Variants in CNTNAP2 observed in about 807,000 individuals in gnomAD.
The protein encoded by CNTNAP2 is contactin associated protein 2.
Under a neutral mutation model 155.2 loss-of-function variants are expected in CNTNAP2, and 98 were observed. That is an observed-to-expected ratio of 0.63 (90% CI 0.54 to 0.75). CNTNAP2 has a LOEUF of 0.75. Among genes scored for constraint, CNTNAP2 ranks in the 30% least tolerant of loss-of-function variants. CNTNAP2 has a pLI of 0.00. For synonymous variants in CNTNAP2, 651 were observed against 631.2 expected, an observed-to-expected ratio of 1.03 and a Z score of -0.47; for missense variants, 1,727 against 1,688.1, an observed-to-expected ratio of 1.02 and a Z score of -0.40.
Position 146,653,765 on chromosome 7 carries a change from G to T in CNTNAP2, c.98-120506G>T, listed in dbSNP as rs149021130. ...GTTAATTTATAGAAACATGGGTGGGGCATTGTAGATCATTTAGTCCTTAAA... is the reference window on the plus strand; with the variant it reads ...GTTAATTTATAGAAACATGGGTGGGTCATTGTAGATCATTTAGTCCTTAAA... On this transcript the variant is annotated intron_variant, in intron 1 of 23. Coordinates refer to ENST00000361727, the MANE Select transcript of CNTNAP2 (RefSeq NM_014141.6). Among the ~76,000 whole-genome samples the T allele has an allele frequency of 3.1e-3, 465 of 152,214 alleles. 1 individual carries two copies. Among genetic ancestry groups the T allele is most frequent in the African/African-American group, 0.011 (438 of 41,542 alleles).
intron 8 of CNTNAP2, among the ~76,000 whole-genome samples, chr7:147,189,281 CA>C (rs1383094494): frequency 3.3e-5 from 5 of 152,058 alleles, no homozygotes. Flanking sequence ...TACAGAAAAA[CA>C]TTAATATTAC....
chr7:146,533,591 A>G (rs1264522992), intron 1 of CNTNAP2, among the ~76,000 whole-genome samples: 1 of 152,174 alleles, frequency 6.6e-6, no homozygotes, highest in Non-Finnish European at 1.5e-5. Context: ...CTGGAACATG[A>G]TAAGATTTGT....
intron 3 of CNTNAP2, among the ~76,000 whole-genome samples, chr7:146,850,860 C>G (rs1010086809): frequency 6.6e-6 from 1 of 152,184 alleles, no homozygotes; most frequent in Admixed American, 6.5e-5. Context: ...AACTAACCAG[C>G]CTGTGTTCCT....
chr7:146,778,585 C>T (rs949935877), intron 2 of CNTNAP2, among the ~76,000 whole-genome samples: 2 of 152,130 alleles, frequency 1.3e-5, no homozygotes, highest in Non-Finnish European at 2.9e-5. Flanking sequence ...GAGTTAGTAG[C>T]ACTTAGATGT....
At chr7:146,889,767 A>G (rs1034715741) in intron 3 of CNTNAP2, among the ~76,000 whole-genome samples, 3 of 152,126 alleles carry the variant, frequency 2.0e-5, no homozygotes, top group Admixed American at 6.6e-5. Flanking sequence ...CCTTCCTATT[A>G]TATTATCATA....
intron 14 of CNTNAP2, among the ~76,000 whole-genome samples, chr7:147,963,530 A>T (rs1801149848): frequency 6.6e-6 from 1 of 152,164 alleles, no homozygotes; most frequent in South Asian, 2.1e-4. Flanking sequence ...ACATGTACAA[A>T]CAGAGGAATG....
At chr7:148,341,259 G>A (rs6958824) in intron 21 of CNTNAP2, among the ~76,000 whole-genome samples, 36,600 of 150,190 alleles carry the variant, frequency 0.24, 4,688 homozygotes, top group South Asian at 0.32. Context: ...GCATTTAATC[G>A]ATTCAGAGGA....
At chr7:147,251,961 T>TAATAAAAAAAAACAGCAAGGAGTAAGAA (rs1804208382) in intron 8 of CNTNAP2, among the ~76,000 whole-genome samples, 1 of 151,860 alleles carries the variant, frequency 6.6e-6, no homozygotes. Context: ...GTTTGGGGAT[T>TAATAAAAAAAAACAGCAAGGAGTAAGAA]AATAAAAAAA....
At chr7:147,813,300 T>C (rs765661054) in intron 13 of CNTNAP2, among the ~76,000 whole-genome samples, 9 of 152,152 alleles carry the variant, frequency 5.9e-5, no homozygotes, top group Middle Eastern at 3.2e-3. Flanking sequence ...TACCAGGAAG[T>C]TGATGCATTC....
chr7:147,292,784 T>G (rs1805342966), intron 8 of CNTNAP2, among the ~76,000 whole-genome samples: 1 of 151,322 alleles, frequency 6.6e-6, no homozygotes. Context: ...TGTTTGTTTA[T>G]TTGAGACAGG....
intron 3 of CNTNAP2, among the ~76,000 whole-genome samples, chr7:146,987,898 G>A (rs1798142109): frequency 6.6e-6 from 1 of 152,024 alleles, no homozygotes; most frequent in South Asian, 2.1e-4. Context: ...TTGAGTGACT[G>A]TAAAAATGAA....
intron 9 of CNTNAP2, among the ~76,000 whole-genome samples, chr7:147,392,697 TTA>T (rs1796739709): frequency 6.6e-6 from 1 of 152,102 alleles, no homozygotes; most frequent in African/African-American, 2.4e-5. Context: ...TCATTTAATT[TTA>T]TGACTGAGTA....
chr7:147,531,500 C>T (rs1799430166), intron 11 of CNTNAP2, among the ~76,000 whole-genome samples: 2 of 152,248 alleles, frequency 1.3e-5, no homozygotes, highest in South Asian at 4.1e-4. Flanking sequence ...AGGCTTAGGG[C>T]TTACACCCTC....
At chr7:147,617,693 C>T (rs1801319240) in intron 12 of CNTNAP2, among the ~76,000 whole-genome samples, 1 of 152,020 alleles carries the variant, frequency 6.6e-6, no homozygotes, top group Non-Finnish European at 1.5e-5. Context: ...ATTAGGAAAA[C>T]ACATTTCTAT....
chr7:148,189,052 T>C (rs959681472), intron 18 of CNTNAP2, among the ~76,000 whole-genome samples: 2 of 152,114 alleles, frequency 1.3e-5, no homozygotes, highest in Non-Finnish European at 2.9e-5. Context: ...TATGGAGAGG[T>C]AGAGTTAGAG....
intron 1 of CNTNAP2, among the ~76,000 whole-genome samples, chr7:146,286,914 T>G (rs752271232): frequency 6.6e-5 from 10 of 152,094 alleles, no homozygotes; most frequent in Non-Finnish European, 1.3e-4. Flanking sequence ...GAGACCAGCC[T>G]GGCAACCTAG....
At chr7:148,279,947 T>G (rs6964680) in intron 21 of CNTNAP2, among the ~76,000 whole-genome samples, 24,063 of 152,022 alleles carry the variant, frequency 0.16, 2,591 homozygotes, top group African/African-American at 0.3. Flanking sequence ...GAGGACAGAT[T>G]AGTGAGTGCC....
intron 12 of CNTNAP2, among the ~76,000 whole-genome samples, chr7:147,618,708 TAC>T (rs112885206): frequency 0.071 from 9,325 of 131,518 alleles, 291 homozygotes; most frequent in Admixed American, 0.079. Flanking sequence ...ACAGCTATTA[TAC>T]ACACACACAC....
At chr7:147,614,778 C>CCTGATTTA (rs76873408) in intron 12 of CNTNAP2, among the ~76,000 whole-genome samples, 2 of 151,140 alleles carry the variant, frequency 1.3e-5, no homozygotes, top group South Asian at 4.1e-4. Context: ...TTCTTTTACT[C>CCTGATTTA]TTTTACACAT....
Sources: gnomAD v4.1 joint callset for allele counts (sites outside exome capture counted in the v4.1 genomes callset) on GRCh38, gnomAD v4.1.1 for gene constraint, MANE v1.5 for transcripts, NCBI Gene and HGNC (gene_info 2026-07-23, HGNC 2026-07-21) for gene names.